CLINT1: variants seen among roughly 807,000 people sequenced by gnomAD.
CLINT1 encodes the protein clathrin interacting protein localized in the trans-Golgi region.
In CLINT1, 15 loss-of-function variants were observed where a neutral mutation model predicts 70.4. The observed-to-expected ratio is 0.21, with a 90% CI of 0.14 to 0.33. The LOEUF (loss-of-function observed/expected upper bound fraction) is 0.33, where lower values mean the gene tolerates loss of function less well. CLINT1 is among the 10% of genes least tolerant of loss of function. CLINT1 has a pLI of 1.00. For synonymous variants in CLINT1, 227 were observed against 254.7 expected (o/e 0.89, Z 1.04); for missense variants, 615 against 778.1 (o/e 0.79, Z 2.49).
intron 1 of CLINT1, among the ~76,000 whole-genome samples, chr5:157,830,796 CTATATA>C (rs369160163): frequency 6.2e-4 from 53 of 85,716 alleles, no homozygotes; most frequent in East Asian, 2.4e-3. Context: ...CTCTCTCTCT[CTATATA>C]TATATATATA....
At chr5:157,813,651 A>C (rs1762627093) in intron 4 of CLINT1, among the ~76,000 whole-genome samples, 1 of 152,250 alleles carries the variant, frequency 6.6e-6, no homozygotes, top group East Asian at 1.9e-4. Context: ...TGGTTTCCCC[A>C]GTACACGTCT....
chr5:157,791,708 A>G lies in CLINT1; in HGVS notation c.1375T>C (p.Ser459Pro). Residue 459 changes from serine to proline, a missense_variant, in exon 10 of 12, where the codon TCA becomes CCA. Physicochemically the swap from Ser to Pro is moderately conservative, Grantham distance 74. Around this residue, in one of 2 missense-constraint regions of CLINT1, gnomAD observed 374 missense variants for 409.6 expected, o/e 0.91. Coordinates refer to ENST00000411809, the MANE Select transcript of CLINT1 (RefSeq NM_014666.4). ...AAGGGAACCAGACAACTTACCTGTG[A>G]TCTTGACATAGGCAAACCAAGTCCC... ...TVGLGLPMSR[S>P]QNTDMVQKSV... 1 of 1,609,618 alleles carries G rather than the reference A, an allele frequency of 6.2e-7. No homozygotes were observed. The highest frequency in any genetic ancestry group is 8.5e-7 in the Non-Finnish European group (1 of 1,177,430).
At chr5:157,840,953 T>G (rs254667) in intron 1 of CLINT1, among the ~76,000 whole-genome samples, 62,225 of 151,868 alleles carry the variant, frequency 0.41, 13,170 homozygotes, top group East Asian at 0.61. Flanking sequence ...TGGAACAAAG[T>G]CAAACTTCAT....
chr5:157,835,482 A>G (rs889920941), intron 1 of CLINT1, among the ~76,000 whole-genome samples: 2 of 152,188 alleles, frequency 1.3e-5, no homozygotes, highest in Admixed American at 1.3e-4. Context: ...AGGCGACTTT[A>G]TAAAACATAG....
At chr5:157,835,254 C>A (rs897893007) in intron 1 of CLINT1, among the ~76,000 whole-genome samples, 1 of 152,050 alleles carries the variant, frequency 6.6e-6, no homozygotes, top group Non-Finnish European at 1.5e-5. Context: ...GAAAAAAATG[C>A]GTGTGAGATA....
chr5:157,821,681 T>C (rs1145588), intron 1 of CLINT1, among the ~76,000 whole-genome samples: 20,349 of 152,154 alleles, frequency 0.13, 1,788 homozygotes, highest in African/African-American at 0.25. Context: ...CTGATAAAGA[T>C]AGGTAATTAC....
At chr5:157,818,430 C>G (rs528847819) in intron 1 of CLINT1, among the ~76,000 whole-genome samples, 1 of 138,828 alleles carries the variant, frequency 7.2e-6, no homozygotes, top group African/African-American at 2.7e-5. Flanking sequence ...ATATAATAAC[C>G]AACACCAGCC....
chr5:157,840,972 T>C (rs1180664583), intron 1 of CLINT1, among the ~76,000 whole-genome samples: 1 of 152,082 alleles, frequency 6.6e-6, no homozygotes, highest in African/African-American at 2.4e-5. Flanking sequence ...ATGAAAAGGA[T>C]TGGTTGTAGT....
intron 3 of CLINT1, among the ~76,000 whole-genome samples, chr5:157,815,018 G>C (rs1762674519): frequency 1.6e-5 from 2 of 124,930 alleles, no homozygotes; most frequent in African/African-American, 6.1e-5. Flanking sequence ...CGGCGACAGA[G>C]AAACTCTGTC....
chr5:157,830,796 C>CTCTCTCTCTATATA (rs1300619885), intron 1 of CLINT1, among the ~76,000 whole-genome samples: 4 of 85,718 alleles, frequency 4.7e-5, no homozygotes, highest in East Asian at 3.5e-4. Context: ...CTCTCTCTCT[C>CTCTCTCTCTATATA]TATATATATA....
intron 1 of CLINT1, among the ~76,000 whole-genome samples, chr5:157,847,878 T>C (rs934872762): frequency 6.6e-6 from 1 of 152,162 alleles, no homozygotes; most frequent in African/African-American, 2.4e-5. Context: ...AGTGGCACCA[T>C]CACTGTTCAC....
chr5:157,832,010 CAG>C (rs1451997161), intron 1 of CLINT1, among the ~76,000 whole-genome samples: 1 of 151,850 alleles, frequency 6.6e-6, no homozygotes, highest in Admixed American at 6.6e-5. Flanking sequence ...TTTTTTAAGA[CAG>C]AGTCTCGCAC....
chr5:157,855,030 G>A (rs1222761896), intron 1 of CLINT1, among the ~76,000 whole-genome samples: 2 of 151,868 alleles, frequency 1.3e-5, no homozygotes, highest in Non-Finnish European at 2.9e-5. Context: ...TGTAATCCCA[G>A]CTACTCGGGA....
At chr5:157,830,842 G>C (rs1763218402) in intron 1 of CLINT1, among the ~76,000 whole-genome samples, 1 of 148,102 alleles carries the variant, frequency 6.8e-6, no homozygotes, top group South Asian at 2.1e-4. Flanking sequence ...CTGGGCAACA[G>C]AGTGAGACCT....
At chr5:157,842,133 C>T (rs779311964) in intron 1 of CLINT1, among the ~76,000 whole-genome samples, 4 of 151,968 alleles carry the variant, frequency 2.6e-5, no homozygotes, top group Non-Finnish European at 5.9e-5. Flanking sequence ...ATACTTTTAC[C>T]GAATGTTGAT....
chr5:157,798,415 C>T (rs1762123805), intron 8 of CLINT1, among the ~76,000 whole-genome samples: 1 of 152,110 alleles, frequency 6.6e-6, no homozygotes, highest in Admixed American at 6.5e-5. Flanking sequence ...CAGCTGGGAA[C>T]ATGTATTTCC....
chr5:157,830,786 C>CTATATA (rs1401664750), intron 1 of CLINT1, among the ~76,000 whole-genome samples: 1 of 132,492 alleles, frequency 7.5e-6, no homozygotes, highest in African/African-American at 2.9e-5. Context: ...CTCTCTCTCT[C>CTATATA]TCTCTCTCTC....
intron 10 of CLINT1, 176 bp downstream of exon 10, chr5:157,791,527 G>A (rs1761903498): frequency 4.8e-6 from 3 of 622,802 alleles, no homozygotes; most frequent in Non-Finnish European, 8.3e-6. Flanking sequence ...ACTATGCTAG[G>A]GGAGAGTATG....
intron 9 of CLINT1, among the ~76,000 whole-genome samples, chr5:157,794,254 C>T (rs1400665345): frequency 6.6e-6 from 1 of 151,820 alleles, no homozygotes; most frequent in Non-Finnish European, 1.5e-5. Context: ...AGTTAAACAG[C>T]TACCATATGG....
Sources: gnomAD v4.1 joint callset for allele counts (sites outside exome capture counted in the v4.1 genomes callset) on GRCh38, gnomAD v4.1.1 for gene constraint, gnomAD v4.1.1 regional missense constraint, MANE v1.5 for transcripts, NCBI Gene and HGNC (gene_info 2026-07-23, HGNC 2026-07-21) for gene names.